The following FOXN3 variants were observed in gnomAD, a reference collection of about 807,000 sequenced individuals.
FOXN3 encodes the protein forkhead box N3.
A neutral mutation model predicts 38.4 loss-of-function variants in FOXN3; 7 were observed. That is an observed-to-expected ratio of 0.18 (90% confidence interval 0.10 to 0.34). The LOEUF is 0.34. FOXN3 is among the 10% of genes least tolerant of loss of function. The pLI is 1.00. For missense variants in FOXN3, 456 were observed against 613.4 expected, an observed-to-expected ratio of 0.74 and a Z score of 2.71; for synonymous variants, 230 against 242.2, an observed-to-expected ratio of 0.95 and a Z score of 0.47.
chr14:89,218,142 C>T lies in FOXN3; in HGVS notation c.746-37336G>A, dbSNP rs1040167365. On this transcript the variant is annotated intron_variant, in intron 4 of 5. Coordinates refer to ENST00000557258, the MANE Select transcript of FOXN3 (RefSeq NM_005197.4). ...TGCTGGTTACAAAGCCCTTAATTCC[C>T]CCTGGGCCCCTCTCCGCCATGCCTG... Among the ~76,000 whole-genome samples, 4 of 152,280 alleles carry T rather than the reference C, an allele frequency of 2.6e-5. No homozygotes were observed. The South Asian group carries it at 8.3e-4, about 32-fold the overall frequency.
chr14:89,511,262 T>C (rs369797591), intron 1 of FOXN3, among the ~76,000 whole-genome samples: 760 of 30,174 alleles, frequency 0.025, 168 homozygotes, highest in African/African-American at 0.033. Context: ...TTTCTTTCTT[T>C]CTTTCTTTCT....
intron 4 of FOXN3, among the ~76,000 whole-genome samples, chr14:89,183,756 T>G (rs1030274922): frequency 6.6e-6 from 1 of 152,184 alleles, no homozygotes; most frequent in African/African-American, 2.4e-5. Flanking sequence ...TGTTTGGACT[T>G]TATCCTATGG....
In FOXN3 at chr14:89,256,093, G is replaced by A. The variant is rs551891696; in HGVS notation, c.745+24857C>T. Among the ~76,000 whole-genome samples, 6 of 152,212 alleles carry A rather than the reference G, an allele frequency of 3.9e-5. No individual in the cohort carries two copies. The South Asian group carries it at 1.0e-3, about 26-fold the overall frequency. On this transcript the variant is annotated intron_variant, in intron 4 of 5. Coordinates refer to ENST00000557258, the MANE Select transcript of FOXN3 (RefSeq NM_005197.4). ...GAACTCATGGTTGCCTGGTGCCAGC[G>A]GGTCAGAATGAGTGTGCTGGCACCA... is the stretch of plus-strand genomic sequence containing the variant.
In FOXN3 at chr14:89,543,902, A is replaced by C. The variant is rs1054975300; in HGVS notation, c.-15+75126T>G. Among the ~76,000 whole-genome samples, 15 of 149,234 alleles carry C rather than the reference A, an allele frequency of 1.0e-4. No individual in the cohort carries two copies. The South Asian group carries it at 1.1e-3, about 11-fold the overall frequency. On this transcript the variant is annotated intron_variant, in intron 1 of 6. Transcript: ENST00000345097. Reference sequence around the variant, plus strand: ...TTTAAGACCAGAATATCCAAAACCAATGGGGGTGGGGGGGAAGTACTCAAA... The same window carrying C: ...TTTAAGACCAGAATATCCAAAACCACTGGGGGTGGGGGGGAAGTACTCAAA...
intron 1 of FOXN3, among the ~76,000 whole-genome samples, chr14:89,448,055 G>A (rs1229348984): frequency 8.6e-5 from 13 of 151,756 alleles, no homozygotes; most frequent in African/African-American, 2.4e-4. Flanking sequence ...CTCGTGATCC[G>A]CCCGCCTCGG....
intron 2 of FOXN3, among the ~76,000 whole-genome samples, chr14:89,365,000 A>G (rs895614069): frequency 6.6e-6 from 1 of 152,216 alleles, no homozygotes; most frequent in African/African-American, 2.4e-5. Context: ...TAAAACCAAA[A>G]TAATCCCATG....
chr14:89,158,803 G>A lies in FOXN3; in HGVS notation c.*3611C>T, dbSNP rs1887035033. The A allele has an allele frequency of 6.6e-6, 1 of 152,630 alleles. No homozygotes were observed. The highest frequency in any genetic ancestry group is 2.4e-5 in the African/African-American group (1 of 41,446). 9.5% of individuals were successfully genotyped at this position (152,630 alleles called of 1,614,324 possible). A position where few individuals can be genotyped will look rare whatever the true frequency, so the allele number is the denominator to read the frequency against. Reference sequence around the variant, plus strand: ...AGCAAGTAATCGTAGACGTCGTGGTGTTGATGTGTTCACGGTTGGTTTCCA... The same window carrying A: ...AGCAAGTAATCGTAGACGTCGTGGTATTGATGTGTTCACGGTTGGTTTCCA... On this transcript the variant is annotated 3_prime_UTR_variant, in exon 6 of 6. Transcript: ENST00000557258.
chr14:89,289,117 G>A (rs1886774449), intron 3 of FOXN3, among the ~76,000 whole-genome samples: 1 of 150,352 alleles, frequency 6.7e-6, no homozygotes, highest in African/African-American at 2.5e-5. Context: ...AGGAGGCAGA[G>A]GTTGCAGTGG....
intron 4 of FOXN3, among the ~76,000 whole-genome samples, chr14:89,258,313 A>AG (rs568441953): frequency 2.2e-4 from 34 of 152,340 alleles, no homozygotes; most frequent in Admixed American, 2.0e-3. Flanking sequence ...AGAAAAGGAA[A>AG]GGGGAAAGAA....
At chr14:89,506,984 A>G (rs953157452) in intron 1 of FOXN3, among the ~76,000 whole-genome samples, 2 of 152,156 alleles carry the variant, frequency 1.3e-5, no homozygotes, top group South Asian at 2.1e-4. Flanking sequence ...CGACACAAAC[A>G]CTGCGCAAGG....
intron 1 of FOXN3, among the ~76,000 whole-genome samples, chr14:89,611,535 G>A (rs967947898): frequency 1.3e-5 from 2 of 152,166 alleles, no homozygotes; most frequent in Admixed American, 6.5e-5. Flanking sequence ...GGCCGGGCGC[G>A]GTGGCTCACG....
intron 4 of FOXN3, among the ~76,000 whole-genome samples, chr14:89,213,240 G>A (rs1420889817): frequency 6.6e-6 from 1 of 152,146 alleles, no homozygotes; most frequent in African/African-American, 2.4e-5. Context: ...TTCACCAAGG[G>A]CCTCATAAGA....
At chr14:89,477,245 C>G (rs554978709) in intron 1 of FOXN3, among the ~76,000 whole-genome samples, 1 of 152,218 alleles carries the variant, frequency 6.6e-6, no homozygotes, top group Non-Finnish European at 1.5e-5. Flanking sequence ...CAGAAGCTCC[C>G]TAGGGTCCAG....
intron 3 of FOXN3, among the ~76,000 whole-genome samples, chr14:89,326,209 G>A (rs973439005): frequency 6.6e-6 from 1 of 152,116 alleles, no homozygotes; most frequent in African/African-American, 2.4e-5. Context: ...TCTTTTATAG[G>A]TGCTGTCAAA....
intron 1 of FOXN3, among the ~76,000 whole-genome samples, chr14:89,491,167 G>A (rs1893566327): frequency 6.6e-6 from 1 of 151,836 alleles, no homozygotes; most frequent in African/African-American, 2.4e-5. Flanking sequence ...GTAGAGACGG[G>A]GTTTTTCCAC....
At chr14:89,398,362 GA>G (rs1043570655) in intron 2 of FOXN3, among the ~76,000 whole-genome samples, 2 of 152,228 alleles carry the variant, frequency 1.3e-5, no homozygotes, top group Admixed American at 6.5e-5. Context: ...TTGGACAGCT[GA>G]CATTTATTTC....
At chr14:89,372,899 G>C (rs1388074750) in intron 2 of FOXN3, among the ~76,000 whole-genome samples, 1 of 152,248 alleles carries the variant, frequency 6.6e-6, no homozygotes, top group Non-Finnish European at 1.5e-5. Flanking sequence ...GGCTGGTGCA[G>C]TGGCTCACAC....
chr14:89,224,837 A>T (rs1030649080), intron 4 of FOXN3, among the ~76,000 whole-genome samples: 1 of 152,150 alleles, frequency 6.6e-6, no homozygotes, highest in Admixed American at 6.5e-5. Flanking sequence ...TGTCTCTATA[A>T]AAAGAACTTA....
At chr14:89,175,601 C>G (rs939066474) in intron 5 of FOXN3, among the ~76,000 whole-genome samples, 1 of 152,180 alleles carries the variant, frequency 6.6e-6, no homozygotes, top group Non-Finnish European at 1.5e-5. Context: ...GAGGCAGACA[C>G]ACGTTTCCTC....
Sources: gnomAD v4.1 joint callset for allele counts (sites outside exome capture counted in the v4.1 genomes callset) on GRCh38, gnomAD v4.1.1 for gene constraint, MANE v1.5 for transcripts, NCBI Gene and HGNC (gene_info 2026-07-23, HGNC 2026-07-21) for gene names.